The following EVI5 variants were observed in gnomAD, a reference collection of about 807,000 sequenced individuals.
The protein encoded by EVI5 is ecotropic viral integration site 5.
Under a neutral mutation model 112.0 loss-of-function variants are expected in EVI5, and 73 were observed. The observed-to-expected ratio is 0.65, with a 90% CI of 0.54 to 0.79. EVI5 has a LOEUF of 0.79. Ranked by LOEUF, EVI5 falls within the 30% of genes least tolerant of loss-of-function variation. The pLI, the probability that EVI5 is intolerant of heterozygous loss-of-function variation, is 0.00. For synonymous variants in EVI5, 305 were observed against 319.9 expected, an observed-to-expected ratio of 0.95 and a Z score of 0.50; for missense variants, 900 against 968.8, an observed-to-expected ratio of 0.93 and a Z score of 0.94.
chr1:92,683,385 C>A (rs1667927169), intron 9 of EVI5, among the ~76,000 whole-genome samples: 1 of 152,112 alleles, frequency 6.6e-6, no homozygotes, highest in South Asian at 2.1e-4. Context: ...AAAGGACTTC[C>A]ATACCAAAAC....
chr1:92,593,855 G>T (rs999472566), intron 18 of EVI5, among the ~76,000 whole-genome samples: 50 of 152,232 alleles, frequency 3.3e-4, no homozygotes, highest in South Asian at 4.1e-4. Context: ...TAGGAATCCA[G>T]CTTACAAGGG....
At chr1:92,718,293 G>C (rs1007026071) in intron 2 of EVI5, among the ~76,000 whole-genome samples, 1 of 152,288 alleles carries the variant, frequency 6.6e-6, no homozygotes, top group Non-Finnish European at 1.5e-5. Flanking sequence ...ATAGTTGGAA[G>C]TAAAGCACTC....
intron 19 of EVI5, among the ~76,000 whole-genome samples, chr1:92,535,634 C>A (rs1181207537): frequency 6.6e-6 from 1 of 152,110 alleles, no homozygotes; most frequent in Non-Finnish European, 1.5e-5. Context: ...TGGAAACCAT[C>A]ATTATCAGCA....
intron 18 of EVI5, among the ~76,000 whole-genome samples, chr1:92,565,612 C>T (rs1451776976): frequency 1.3e-5 from 2 of 152,114 alleles, no homozygotes; most frequent in Non-Finnish European, 2.9e-5. Flanking sequence ...GTCAACTCTA[C>T]CCTCCAACTT....
At position 92,735,761 on chromosome 1, in the gene EVI5, GAT is replaced by G. The variant is rs1481421343; in HGVS notation, c.149+635_149+636del. The stretch of plus-strand genomic sequence containing the variant: ...ATATAATCATATTAAAATATAATAT[GAT>G]ATATGTTATATATAACATATTATAA... On this transcript the variant is annotated intron_variant, in intron 2 of 19. Transcript: ENST00000684568. Among the ~76,000 whole-genome samples the G allele has an allele frequency of 3.0e-4, 41 of 138,510 alleles. 1 individual carries two copies. The highest frequency in any genetic ancestry group is 2.0e-3 in the South Asian group (9 of 4,494). The allele number at this position is 138,510 out of a possible 152,430, so 90.9% of individuals were successfully genotyped here.
intron 1 of EVI5, among the ~76,000 whole-genome samples, chr1:92,781,797 A>T (rs929139210): frequency 6.6e-6 from 1 of 151,898 alleles, no homozygotes; most frequent in Admixed American, 6.6e-5. Flanking sequence ...TCCACTAAAG[A>T]TACAAAAATT....
chr1:92,786,191 A>G (rs148857041), upstream of EVI5, among the ~76,000 whole-genome samples: 4 of 151,858 alleles, frequency 2.6e-5, no homozygotes, highest in East Asian at 7.7e-4. Flanking sequence ...TTAAATTTAT[A>G]AGACAGAATT....
At chr1:92,661,893 T>C (rs977206827) in intron 13 of EVI5, among the ~76,000 whole-genome samples, 4 of 152,168 alleles carry the variant, frequency 2.6e-5, no homozygotes, top group African/African-American at 7.2e-5. Flanking sequence ...TGCTTACTTA[T>C]TACAATCTAG....
intron 17 of EVI5, 140 bp from the exon 18 acceptor site, chr1:92,605,542 G>C: frequency 3.4e-6 from 2 of 591,694 alleles, no homozygotes; most frequent in Middle Eastern, 5.3e-4. Context: ...GAAACAATAT[G>C]CTCAATACAT....
intron 15 of EVI5, 84 bp from the exon 16 acceptor site, chr1:92,624,418 G>C (rs1486682936): frequency 9.2e-7 from 1 of 1,085,374 alleles, no homozygotes; most frequent in Non-Finnish European, 1.4e-6. Flanking sequence ...TTTCAGGCCT[G>C]TGATATATAA....
At chr1:92,549,817 T>C (rs1472978089) in intron 19 of EVI5, among the ~76,000 whole-genome samples, 1 of 152,150 alleles carries the variant, frequency 6.6e-6, no homozygotes, top group African/African-American at 2.4e-5. Flanking sequence ...TCACACCAGT[T>C]AGAATGGTGA....
intron 18 of EVI5, among the ~76,000 whole-genome samples, chr1:92,577,182 T>G (rs1409251776): frequency 6.6e-6 from 1 of 152,186 alleles, no homozygotes; most frequent in East Asian, 1.9e-4. Context: ...TATAATTCCC[T>G]TTAAGGAACA....
intron 1 of EVI5, among the ~76,000 whole-genome samples, chr1:92,743,047 T>TA (rs960621199): frequency 5.3e-5 from 8 of 152,184 alleles, no homozygotes; most frequent in African/African-American, 1.9e-4. Context: ...AATGGACTAT[T>TA]ATTCAGCCTT....
rs1466835987 is a variant in EVI5, at chr1:92,511,954, T to A, written c.*1702A>T. ...GCAACATACTGTGCAAAACTGTGCC[T>A]CCATACATACTGAATTCTACTTTTC... On this transcript the variant is annotated 3_prime_UTR_variant, in exon 20 of 20. Coordinates refer to ENST00000684568, the MANE Select transcript of EVI5 (RefSeq NM_001350197.2). The A allele has an allele frequency of 1.3e-5, 2 of 152,486 alleles. No homozygotes were observed. Among genetic ancestry groups the A allele is most frequent in the East Asian group, 3.9e-4 (2 of 5,184 alleles). 9.4% of individuals were successfully genotyped at this position (152,486 alleles called of 1,614,324 possible). A position where few individuals can be genotyped will look rare whatever the true frequency, so the allele number is the denominator to read the frequency against.
chr1:92,739,109 C>T (rs1439714503), intron 1 of EVI5, among the ~76,000 whole-genome samples: 1 of 151,720 alleles, frequency 6.6e-6, no homozygotes, highest in Admixed American at 6.6e-5. Flanking sequence ...CCCGTGTCTA[C>T]TAAAAATACA....
At chr1:92,652,687 ACAAT>A (rs1467223626) in intron 13 of EVI5, among the ~76,000 whole-genome samples, 80 of 152,352 alleles carry the variant, frequency 5.3e-4, no homozygotes, top group East Asian at 7.7e-4. Context: ...GTGTGTATGC[ACAAT>A]CAAATACTAT....
intron 15 of EVI5, 152 bp from the exon 16 acceptor site, chr1:92,624,486 ATTATCAT>A: frequency 1.5e-6 from 1 of 649,992 alleles, no homozygotes; most frequent in Non-Finnish European, 2.6e-6. Context: ...ATCAGGCACT[ATTATCAT>A]CTGAATAAAA....
chr1:92,786,771 CCTAA>C (rs150645562), upstream of EVI5, among the ~76,000 whole-genome samples: 1,581 of 152,320 alleles, frequency 0.01, 17 homozygotes, highest in African/African-American at 0.037. Flanking sequence ...AAAAAACCCT[CCTAA>C]CTAACCAAGC....
intron 2 of EVI5, among the ~76,000 whole-genome samples, chr1:92,716,445 C>T (rs1033111211): frequency 2.0e-5 from 3 of 152,204 alleles, no homozygotes; most frequent in African/African-American, 7.2e-5. Flanking sequence ...AGGACATCCA[C>T]ACCAAAATCC....
Sources: allele counts gnomAD v4.1 joint callset (sites outside exome capture counted in the v4.1 genomes callset), GRCh38; gene constraint gnomAD v4.1.1; transcripts MANE v1.5; gene names NCBI Gene and HGNC (gene_info 2026-07-23, HGNC 2026-07-21).